KLHDC4: variants seen among roughly 807,000 people sequenced by gnomAD.
KLHDC4 encodes kelch domain containing 4.
KLHDC4 carries 90 observed loss-of-function variants against 62.4 expected under a neutral mutation model. That is an observed-to-expected ratio of 1.44 (90% CI 1.22 to 1.72). The LOEUF is 1.72. KLHDC4 is among the 40% of genes most tolerant of loss of function. The pLI is 0.00. For missense variants in KLHDC4, 1,025 were observed against 699.7 expected (o/e 1.47, Z -5.25); for synonymous variants, 386 against 284.4 (o/e 1.36, Z -3.59).
intron 5 of KLHDC4, among the ~76,000 whole-genome samples, chr16:87,738,215 G>A (rs112396485): frequency 1.3e-4 from 20 of 152,242 alleles, no homozygotes; most frequent in African/African-American, 4.8e-4. Context: ...CTACAGAATC[G>A]TAAAGTAACG....
chr16:87,709,228 G>T, intron 10 of KLHDC4, 37 bp downstream of exon 10: 1 of 1,583,624 alleles, frequency 6.3e-7, no homozygotes. Context: ...GTGGGCTCTC[G>T]CTCCCGGGCA....
chr16:87,734,432 G>C (rs188558282), intron 5 of KLHDC4, among the ~76,000 whole-genome samples: 61 of 152,268 alleles, frequency 4.0e-4, no homozygotes, highest in African/African-American at 1.5e-3. Context: ...CTGAAGTTCA[G>C]AGATAATTCA....
chr16:87,706,648 C>A (rs538784044), downstream of KLHDC4, among the ~76,000 whole-genome samples: 2 of 152,228 alleles, frequency 1.3e-5, no homozygotes, highest in African/African-American at 2.4e-5. Flanking sequence ...GAGGTCACAC[C>A]GATGGCAGTG....
intron 4 of KLHDC4, among the ~76,000 whole-genome samples, chr16:87,752,539 G>T (rs2143208985): frequency 6.6e-6 from 1 of 152,158 alleles, no homozygotes; most frequent in East Asian, 2.0e-4. Flanking sequence ...GTTTCACCAT[G>T]TTGGCCAGGA....
At chr16:87,739,956 T>G (rs2042000685) in intron 5 of KLHDC4, 1 of 152,202 alleles carries the variant, frequency 6.6e-6, no homozygotes, top group African/African-American at 2.4e-5. Context: ...TGACACATTT[T>G]AAAGGGTGAT....
At chr16:87,725,818 G>A (rs2039266517) in intron 7 of KLHDC4, among the ~76,000 whole-genome samples, 1 of 152,176 alleles carries the variant, frequency 6.6e-6, no homozygotes, top group East Asian at 1.9e-4. Context: ...GAGGCTCCGG[G>A]GTGGGCGCGA....
At chr16:87,756,287 G>C (rs546817694) in intron 3 of KLHDC4, 112 bp downstream of exon 3, 7 of 785,074 alleles carry the variant, frequency 8.9e-6, no homozygotes, top group East Asian at 2.6e-5. Context: ...TCAAGCGCGT[G>C]ATACAAGGGG....
At chr16:87,711,054 G>T in intron 9 of KLHDC4, 181 bp downstream of exon 9, 1 of 618,994 alleles carries the variant, frequency 1.6e-6, no homozygotes, top group Non-Finnish European at 2.8e-6. Flanking sequence ...AGGGGACCGT[G>T]ACCAAGGGCT....
exon 1 of KLHDC4, chr16:87,700,663 AGAGGGCGGAGGGAGGAGGTTGGAGGGCG>A: frequency 6.0e-6 from 1 of 166,198 alleles, no homozygotes; most frequent in Non-Finnish European, 1.1e-5. Context: ...GGAGGAGGGC[AGAGGGCGGAGGGAGGAGGTTGGAGGGCG>A]GAGGGAGGAG....
At chr16:87,721,798 G>A (rs1352224261) in intron 7 of KLHDC4, among the ~76,000 whole-genome samples, 1 of 152,222 alleles carries the variant, frequency 6.6e-6, no homozygotes, top group Non-Finnish European at 1.5e-5. Flanking sequence ...ATGCATGGAC[G>A]TTATCTCCTG....
chr16:87,733,737 C>G (rs2040801837), intron 5 of KLHDC4, among the ~76,000 whole-genome samples: 1 of 141,322 alleles, frequency 7.1e-6, no homozygotes, highest in East Asian at 2.1e-4. Flanking sequence ...CACTGATGAC[C>G]TGCCTCTCCT....
intron 1 of KLHDC4, among the ~76,000 whole-genome samples, chr16:87,763,212 C>G (rs956244607): frequency 1.3e-5 from 2 of 152,246 alleles, no homozygotes; most frequent in Non-Finnish European, 2.9e-5. Flanking sequence ...TAACCACTAT[C>G]TGGAACTCGA....
At chr16:87,724,415 G>A (rs893200148) in intron 7 of KLHDC4, among the ~76,000 whole-genome samples, 3 of 152,098 alleles carry the variant, frequency 2.0e-5, no homozygotes, top group Admixed American at 6.6e-5. Flanking sequence ...CAAACACTTC[G>A]GAAGGTGACC....
exon 1 of KLHDC4, chr16:87,699,062 C>G (rs1025545256): frequency 6.6e-6 from 1 of 152,216 alleles, no homozygotes; most frequent in Non-Finnish European, 1.5e-5. Flanking sequence ...GGCGTCTCCC[C>G]ACCCTTACAA....
chr16:87,724,698 G>GTGC (rs2039028553), intron 7 of KLHDC4, among the ~76,000 whole-genome samples: 4 of 152,110 alleles, frequency 2.6e-5, no homozygotes, highest in Non-Finnish European at 4.4e-5. Context: ...TATGAACAGG[G>GTGC]GGCAACTGGA....
At chr16:87,722,561 G>A (rs1279497248) in intron 7 of KLHDC4, among the ~76,000 whole-genome samples, 1 of 152,234 alleles carries the variant, frequency 6.6e-6, no homozygotes, top group Non-Finnish European at 1.5e-5. Context: ...CAGGCACCAG[G>A]CACGCAAGTG....
In KLHDC4 at chr16:87,726,906, G is replaced by T; in HGVS notation, c.618C>A (p.Asn206Lys). 2.5e-6 allele frequency: 4 copies of T among 1,613,890 alleles called. No individual in the cohort carries two copies. The highest frequency in any genetic ancestry group is 3.4e-6 in the Non-Finnish European group (4 of 1,179,874). ...TGTCCAGATTAAAGGCATACACGTC[G>T]TTGTAGTAGATGTAATCCCTGGTTA... is the stretch of plus-strand genomic sequence containing the variant. ...HESTRDYIYYNDVYAFNLDTF... is the reference protein window; with the variant it reads ...HESTRDYIYYKDVYAFNLDTF... Residue 206 changes from asparagine to lysine, a missense_variant, in exon 7 of 12, where the codon AAC becomes AAA. Asn to Lys is a moderately conservative substitution (Grantham distance 94). Coordinates refer to ENST00000270583, the MANE Select transcript of KLHDC4 (RefSeq NM_017566.4).
intron 2 of KLHDC4, among the ~76,000 whole-genome samples, chr16:87,760,826 A>G (rs1226752102): frequency 6.6e-6 from 1 of 152,106 alleles, no homozygotes; most frequent in Non-Finnish European, 1.5e-5. Flanking sequence ...TAAGGTCAGG[A>G]GTTCACGACC....
Position 87,701,174 on chromosome 16 carries a change from AG to A in KLHDC4, c.*464del, listed in dbSNP as rs2034127601. ...GTGGGTGCTGGAAAGGGACAGAACA[AG>A]GGTCCGTGGCAACCACAAAGCACCT... On this transcript the variant is annotated 3_prime_UTR_variant, in exon 1 of 1. Coordinates refer to the KLHDC4 transcript ENST00000446344. 3 of 212,088 alleles carry A rather than the reference AG, an allele frequency of 1.4e-5. No individual in the cohort carries two copies. In the South Asian group the frequency reaches 2.3e-4, roughly 16 times the overall value. The allele number at this position is 212,088 out of a possible 1,614,324, so 13.1% of individuals were successfully genotyped here.
Sources: allele counts gnomAD v4.1 joint callset (sites outside exome capture counted in the v4.1 genomes callset), GRCh38; gene constraint gnomAD v4.1.1; transcripts MANE v1.5; gene names NCBI Gene and HGNC (gene_info 2026-07-23, HGNC 2026-07-21).